ZNF500: variants seen among roughly 807,000 people sequenced by gnomAD.
ZNF500 encodes zinc finger protein with KRAB and SCAN domains 18.
In ZNF500, 31 loss-of-function variants were observed where a neutral mutation model predicts 30.1. The observed-to-expected ratio is 1.03, with a 90% CI of 0.77 to 1.39. The LOEUF (loss-of-function observed/expected upper bound fraction) is 1.39, where lower values mean the gene tolerates loss of function less well. Ranked by LOEUF, ZNF500 falls within the 40% of genes most tolerant of loss-of-function variation. The pLI is 0.00. For synonymous variants in ZNF500, 392 were observed against 282.0 expected, an observed-to-expected ratio of 1.39 and a Z score of -3.91; for missense variants, 817 against 657.8, an observed-to-expected ratio of 1.24 and a Z score of -2.65.
rs147745603 is a variant in ZNF500 at position 4,765,591 on chromosome 16, G to C, written c.388C>G (p.Arg130Gly). 92 of 1,606,326 alleles carry C rather than the reference G, an allele frequency of 5.7e-5. No homozygotes were observed. In the African/African-American group the frequency reaches 1.1e-3, roughly 19 times the overall value. The change falls in exon 2 of 6, where the codon CGG (arginine) becomes GGG (glycine). Residue 130 changes from arginine to glycine, a missense_variant. Coordinates refer to ENST00000219478, the MANE Select transcript of ZNF500 (RefSeq NM_021646.4). ...CGCTGCCTGTGTTTCCTGGGCTTCC[G>C]CTGCAGCCCTTCCACAAGGACCACG... ...EAVVLVEGLQ[R>G]KPRKHRQRGS...
chr16:4,752,109 G>C lies in ZNF500; in HGVS notation c.*267C>G. 1 of 1,338,342 alleles carries C rather than the reference G, an allele frequency of 7.5e-7. No homozygotes were observed. Among genetic ancestry groups the C allele is most frequent in the Middle Eastern group, 2.8e-4 (1 of 3,582 alleles). The allele number at this position is 1,338,342 out of a possible 1,614,324, so 82.9% of individuals were successfully genotyped here. On this transcript the variant is annotated 3_prime_UTR_variant, in exon 6 of 6. Coordinates refer to ENST00000219478, the MANE Select transcript of ZNF500 (RefSeq NM_021646.4). ...CTTGAGTGTCGGCTTCTGGCCTCCT[G>C]AGTGTGTCTCTGTGGCTGAAGCCCC...
At chr16:4,744,758 A>G, downstream of ZNF500, 1 of 1,335,126 alleles carries the variant, frequency 7.5e-7, no homozygotes, top group Non-Finnish European at 1.0e-6. Context: ...GCAGTGGAGG[A>G]GCCTGAGGTC....
intron 2 of ZNF500, chr16:4,764,184 G>C (rs2082237599): frequency 1.4e-6 from 1 of 714,326 alleles, no homozygotes; most frequent in Non-Finnish European, 1.7e-6. Flanking sequence ...CATGTGTGAC[G>C]ACTGAGCCCT....
Position 4,751,878 on chromosome 16 carries a change from C to A in ZNF500, c.*498G>T, listed in dbSNP as rs1356572956. 5.3e-6 allele frequency: 2 copies of A among 378,826 alleles called. No homozygotes were observed. The highest frequency in any genetic ancestry group is 5.0e-5 in the East Asian group (1 of 20,192). 23.5% of individuals were successfully genotyped at this position (378,826 alleles called of 1,614,324 possible). On this transcript the variant is annotated 3_prime_UTR_variant, in exon 6 of 6. Coordinates refer to ENST00000219478, the MANE Select transcript of ZNF500 (RefSeq NM_021646.4). ...AGCTATGATCATGGCACTGTATTCCCGCCTGGGGGACACAGCAAGGCCCCG... is the reference window on the plus strand; with the variant it reads ...AGCTATGATCATGGCACTGTATTCCAGCCTGGGGGACACAGCAAGGCCCCG...
intron 5 of ZNF500, among the ~76,000 whole-genome samples, chr16:4,759,998 C>A (rs1172469088): frequency 6.6e-6 from 1 of 152,202 alleles, no homozygotes; most frequent in East Asian, 1.9e-4. Flanking sequence ...AAGGTTGTGC[C>A]ACTGCACTCC....
At chr16:4,762,798 CA>C (rs1283727558) in intron 2 of ZNF500, 42 bp from the exon 3 acceptor site, 1 of 1,539,978 alleles carries the variant, frequency 6.5e-7, no homozygotes, top group Non-Finnish European at 8.8e-7. Flanking sequence ...CCCAGAAGGC[CA>C]GAAGGAAAAA....
At chr16:4,757,054 C>G (rs2082142458) in intron 5 of ZNF500, among the ~76,000 whole-genome samples, 2 of 152,004 alleles carry the variant, frequency 1.3e-5, no homozygotes, top group African/African-American at 4.8e-5. Context: ...GAGACCCTGT[C>G]TCAAAAAAGG....
downstream of ZNF500, chr16:4,746,497 A>G (rs1339693293): frequency 6.2e-7 from 1 of 1,613,484 alleles, no homozygotes; most frequent in South Asian, 1.1e-5. Context: ...CTACCAGACC[A>G]CCTGTCCCCA....
intron 5 of ZNF500, among the ~76,000 whole-genome samples, chr16:4,757,296 C>CT (rs1200072482): frequency 6.6e-6 from 1 of 152,134 alleles, no homozygotes; most frequent in Non-Finnish European, 1.5e-5. Flanking sequence ...AATGTAAAAA[C>CT]TTTGAGGCCA....
chr16:4,747,558 C>T (rs747816676), downstream of ZNF500: 5 of 1,611,994 alleles, frequency 3.1e-6, no homozygotes, highest in Non-Finnish European at 4.2e-6. Flanking sequence ...AGGCCCAGAG[C>T]CCTGGGGGAT....
downstream of ZNF500, chr16:4,746,208 C>A (rs1567506415): frequency 1.5e-6 from 1 of 671,920 alleles, no homozygotes; most frequent in Non-Finnish European, 2.4e-6. Flanking sequence ...CTAAATCTCG[C>A]ATGCTGTTCT....
intron 5 of ZNF500, among the ~76,000 whole-genome samples, chr16:4,759,036 C>G (rs1164208128): frequency 6.6e-6 from 1 of 151,856 alleles, no homozygotes; most frequent in Non-Finnish European, 1.5e-5. Context: ...ATGGCAAAAC[C>G]CAGCTCTACT....
intron 5 of ZNF500, among the ~76,000 whole-genome samples, chr16:4,753,352 C>T (rs1013072692): frequency 6.6e-6 from 1 of 152,204 alleles, no homozygotes; most frequent in Non-Finnish European, 1.5e-5. Flanking sequence ...GTCCTAGCTA[C>T]TCAGGAGGCT....
rs571112904 is a variant in ZNF500 at position 4,750,084 on chromosome 16, G to C, written c.*2292C>G. On this transcript the variant is annotated 3_prime_UTR_variant, in exon 6 of 6. Transcript: ENST00000219478. ...ACTCCCCCAGAGGCCGCCACCTCCA[G>C]CACAGGCCTGGATATGAGAGAGGGG... 1 of 152,646 alleles carries C rather than the reference G, an allele frequency of 6.6e-6. No individual in the cohort carries two copies. Among genetic ancestry groups the C allele is most frequent in the African/African-American group, 2.4e-5 (1 of 41,476 alleles). 9.5% of individuals were successfully genotyped at this position (152,646 alleles called of 1,614,324 possible).
chr16:4,759,102 T>G (rs149440230), intron 5 of ZNF500, among the ~76,000 whole-genome samples: 1 of 138,630 alleles, frequency 7.2e-6, no homozygotes, highest in African/African-American at 2.7e-5. Flanking sequence ...CCAGCTACTT[T>G]GGGAGGCTGA....
intron 2 of ZNF500, among the ~76,000 whole-genome samples, chr16:4,765,121 C>T (rs543346438): frequency 3.3e-5 from 5 of 152,096 alleles, no homozygotes; most frequent in South Asian, 2.1e-4. Context: ...GGCAACATAA[C>T]GAAACCCTGT....
chr16:4,759,055 A>G (rs1040076355), intron 5 of ZNF500, among the ~76,000 whole-genome samples: 1 of 150,404 alleles, frequency 6.6e-6, no homozygotes, highest in Non-Finnish European at 1.5e-5. Flanking sequence ...CTAAAAATAG[A>G]AAAATTAGCC....
downstream of ZNF500, chr16:4,746,319 GGT>G: frequency 6.5e-7 from 1 of 1,548,920 alleles, no homozygotes; most frequent in Non-Finnish European, 8.8e-7. Context: ...ACCCAGCGCA[GGT>G]CACAGAGTTA....
chr16:4,752,441 T>C lies in ZNF500; in HGVS notation c.1378A>G (p.Met460Val), dbSNP rs1323411228. The C allele has an allele frequency of 7.1e-6, 11 of 1,539,720 alleles. No individual in the cohort carries two copies. The highest frequency in any genetic ancestry group is 2.4e-5 in the East Asian group (1 of 41,008). The change falls in exon 6 of 6, where the codon ATG becomes GTG. Residue 460 changes from methionine to valine, a missense_variant. Met to Val is a conservative substitution (Grantham distance 21). Coordinates refer to ENST00000219478, the MANE Select transcript of ZNF500 (RefSeq NM_021646.4). ...AGCGTCGGCAAGGAGCCTGCCCCCA[T>C]GTGGGTCCGCTGGTGCTTGTGCAGG... ...TDLHKHQRTH[M>V]GAGSLPTLQP...
Sources: gnomAD v4.1 joint callset for allele counts (sites outside exome capture counted in the v4.1 genomes callset) on GRCh38, gnomAD v4.1.1 for gene constraint, MANE v1.5 for transcripts, NCBI Gene and HGNC (gene_info 2026-07-23, HGNC 2026-07-21) for gene names.